The following PIP variants were observed in gnomAD, a reference collection of about 807,000 sequenced individuals.
PIP encodes the protein prolactin induced protein.
A neutral mutation model predicts 12.8 loss-of-function variants in PIP; 9 were observed. The ratio of observed to expected loss-of-function variants is 0.70; its 90% confidence interval spans 0.42 to 1.23. The LOEUF (loss-of-function observed/expected upper bound fraction) is 1.23. PIP is among the 50% of genes most tolerant of loss of function. The pLI is 0.00. For synonymous variants in PIP, 60 were observed against 66.1 expected, an observed-to-expected ratio of 0.91 and a Z score of 0.45; for missense variants, 172 against 179.5, an observed-to-expected ratio of 0.96 and a Z score of 0.24.
At chr7:143,139,472 A>G in intron 3 of PIP, 46 bp from the exon 4 acceptor site, 1 of 1,604,464 alleles carries the variant, frequency 6.2e-7, no homozygotes, top group Non-Finnish European at 8.5e-7. Context: ...AAGACAGGAC[A>G]TGGCCGGGGT....
intron 1 of PIP, among the ~76,000 whole-genome samples, chr7:143,134,233 T>TATAC (rs1277832613): frequency 9.3e-5 from 8 of 86,384 alleles, no homozygotes; most frequent in East Asian, 3.3e-4. Flanking sequence ...TATATATATA[T>TATAC]ACCACAGTTT....
chr7:143,135,359 T>C lies in PIP; in HGVS notation c.201+60T>C, dbSNP rs1026026174. Reference sequence around the variant, plus strand: ...TAATTCAACTCCTTGATTATAAACATAATTTAATCTCTCACTTTAATAATG... The same window carrying C: ...TAATTCAACTCCTTGATTATAAACACAATTTAATCTCTCACTTTAATAATG... On this transcript the variant is annotated intron_variant, in intron 2 of 3. Transcript: ENST00000291009. 12 of 753,672 alleles carry C rather than the reference T, an allele frequency of 1.6e-5. No individual in the cohort carries two copies. The African/African-American group carries it at 1.9e-4, about 12-fold the overall frequency. The allele number at this position is 753,672 out of a possible 1,614,324, so 46.7% of individuals were successfully genotyped here. A position where few individuals can be genotyped will look rare whatever the true frequency, so the allele number is the denominator to read the frequency against.
intron 1 of PIP, among the ~76,000 whole-genome samples, chr7:143,133,200 C>T (rs1345691096): frequency 6.6e-6 from 1 of 152,022 alleles, no homozygotes; most frequent in Non-Finnish European, 1.5e-5. Context: ...GGTTGTAGCA[C>T]TGCAACTCTG....
intron 2 of PIP, among the ~76,000 whole-genome samples, chr7:143,136,113 T>G (rs972460589): frequency 6.6e-6 from 1 of 151,996 alleles, no homozygotes; most frequent in Non-Finnish European, 1.5e-5. Context: ...TCAAATAGAC[T>G]TATGCAGTTA....
rs1248098411 is a variant in PIP, at chr7:143,139,089, C to T, written c.216C>T (p.Leu72=). ...LKECMVVKTY[L]ISSIPLQGAF... ...CTCCTCACCAGGTTAAAACTTACCT[C>T]ATTAGCAGCATCCCTCTACAAGGTG... Residue 72 remains leucine, a synonymous_variant, in exon 3 of 4, where the codon CTC becomes CTT. Coordinates refer to ENST00000291009, the MANE Select transcript of PIP (RefSeq NM_002652.3). 6.4e-7 allele frequency: 1 copy of T among 1,568,328 alleles called. No homozygotes were observed. Among genetic ancestry groups the T allele is most frequent in the South Asian group, 1.1e-5 (1 of 90,480 alleles).
At chr7:143,135,553 G>C (rs1269578776) in intron 2 of PIP, among the ~76,000 whole-genome samples, 5 of 152,022 alleles carry the variant, frequency 3.3e-5, no homozygotes, top group African/African-American at 1.2e-4. Flanking sequence ...AAGTGAGAAA[G>C]AGGGAAAAAG....
At chr7:143,132,739 A>G (rs1469666453) in intron 1 of PIP, among the ~76,000 whole-genome samples, 1 of 152,028 alleles carries the variant, frequency 6.6e-6, no homozygotes, top group Non-Finnish European at 1.5e-5. Flanking sequence ...GAATATGATG[A>G]CCTCTTGCTC....
chr7:143,139,445 G>C (rs1227722526), intron 3 of PIP, 73 bp from the exon 4 acceptor site: 16 of 1,565,762 alleles, frequency 1.0e-5, no homozygotes, highest in Middle Eastern at 1.7e-4. Flanking sequence ...GGGGGCAGAT[G>C]CCTGATATGA....
At chr7:143,133,970 TC>T (rs990088429) in intron 1 of PIP, among the ~76,000 whole-genome samples, 1 of 151,190 alleles carries the variant, frequency 6.6e-6, no homozygotes, top group African/African-American at 2.4e-5. Flanking sequence ...CTCACCCCTC[TC>T]CCACTCTTCC....
intron 2 of PIP, among the ~76,000 whole-genome samples, chr7:143,136,992 A>C (rs73454511): frequency 6.6e-6 from 1 of 151,642 alleles, no homozygotes; most frequent in East Asian, 1.9e-4. Flanking sequence ...TTATATAACT[A>C]TAAAATTCTT....
At position 143,132,237 on chromosome 7, in the gene PIP, C is replaced by CA. The variant is rs202155580; in HGVS notation, c.95+34dup. ...GTGAGCCATGCCCTTCTCCTCCCCA[C>CA]AAAAAAAATTGCAGGGAGGGCTCCT... On this transcript the variant is annotated intron_variant, in intron 1 of 3. Coordinates refer to ENST00000291009, the MANE Select transcript of PIP (RefSeq NM_002652.3). 8.4e-4 allele frequency: 1,345 copies of CA among 1,601,000 alleles called. 15 individuals are homozygous for CA. The African/African-American group carries it at 0.013, about 15-fold the overall frequency.
At chr7:143,134,228 ATAT>A (rs1193692617) in intron 1 of PIP, among the ~76,000 whole-genome samples, 9 of 90,004 alleles carry the variant, frequency 1.0e-4, no homozygotes, top group African/African-American at 2.7e-4. Flanking sequence ...ATATATATAT[ATAT>A]ATACCACAGT....
At chr7:143,134,535 T>C (rs1333911858) in intron 1 of PIP, among the ~76,000 whole-genome samples, 4 of 151,806 alleles carry the variant, frequency 2.6e-5, no homozygotes, top group African/African-American at 9.7e-5. Flanking sequence ...TGTTTTATGA[T>C]TTTTTGATTA....
At chr7:143,139,290 T>A in intron 3 of PIP, 101 bp downstream of exon 3, 2 of 876,936 alleles carry the variant, frequency 2.3e-6, no homozygotes, top group Non-Finnish European at 3.9e-6. Flanking sequence ...GACCAGGACC[T>A]CAGGGCAGAA....
rs1231658931 is a variant in PIP at position 143,135,210 on chromosome 7, A to G, written c.112A>G (p.Lys38Glu). Residue 38 changes from lysine to glutamate, a missense_variant, in exon 2 of 4, where the codon AAG becomes GAG. Coordinates refer to ENST00000291009, the MANE Select transcript of PIP (RefSeq NM_002652.3). ...AQDNTRKIIIKNFDIPKSVRP... is the reference protein window; with the variant it reads ...AQDNTRKIIIENFDIPKSVRP... ...CACAATCAGTCGGAAGATCATAATA[A>G]AGAATTTTGACATTCCCAAGTCAGT... 2.5e-6 allele frequency: 4 copies of G among 1,573,988 alleles called. No individual in the cohort carries two copies. In the Admixed American group the frequency reaches 6.7e-5, roughly 26 times the overall value.
At chr7:143,139,378 T>G (rs920245214) in intron 3 of PIP, 140 bp from the exon 4 acceptor site, 18 of 1,070,878 alleles carry the variant, frequency 1.7e-5, no homozygotes, top group Admixed American at 1.1e-4. Flanking sequence ...AGGCATTGAG[T>G]GCAAAAAGTT....
Position 143,139,500 on chromosome 7 carries a change from C to T in PIP, c.317-18C>T, listed in dbSNP as rs746633896. The stretch of plus-strand genomic sequence containing the variant: ...GCCGGGGTGTCTGAGAGATGATCTC[C>T]GTCCCTGTCTTTTTCAGGAACTGTG... On this transcript the variant is annotated intron_variant, in intron 3 of 3. Transcript: ENST00000291009. 1.2e-5 allele frequency: 20 copies of T among 1,612,500 alleles called. No individual in the cohort carries two copies. The East Asian group carries it at 2.9e-4, about 23-fold the overall frequency.
At chr7:143,135,133 C>T in intron 1 of PIP, 61 bp from the exon 2 acceptor site, 1 of 833,890 alleles carries the variant, frequency 1.2e-6, no homozygotes, top group Non-Finnish European at 2.0e-6. Context: ...TTCATGGCTC[C>T]CCCCTCACTC....
intron 1 of PIP, among the ~76,000 whole-genome samples, 171 bp downstream of exon 1, chr7:143,132,382 C>A (rs773016644): frequency 1.3e-5 from 2 of 152,078 alleles, no homozygotes; most frequent in African/African-American, 2.4e-5. Flanking sequence ...CTTAGGAAGC[C>A]CCACCAACTC....
Sources: gnomAD v4.1 joint callset for allele counts (sites outside exome capture counted in the v4.1 genomes callset) on GRCh38, gnomAD v4.1.1 for gene constraint, MANE v1.5 for transcripts, NCBI Gene and HGNC (gene_info 2026-07-23, HGNC 2026-07-21) for gene names.